Variants in DNMBP observed in about 807,000 individuals in gnomAD.
The protein encoded by DNMBP is dynamin-binding protein.
A neutral mutation model predicts 150.0 loss-of-function variants in DNMBP; 87 were observed. The ratio of observed to expected loss-of-function variants is 0.58; its 90% confidence interval spans 0.49 to 0.69. The LOEUF (loss-of-function observed/expected upper bound fraction) is 0.69. Ranked by LOEUF, DNMBP falls within the 30% of genes least tolerant of loss-of-function variation. The pLI, the probability that DNMBP is intolerant of heterozygous loss-of-function variation, is 0.00. For synonymous variants in DNMBP, 711 were observed against 750.4 expected, an observed-to-expected ratio of 0.95 and a Z score of 0.86; for missense variants, 1,774 against 1,949.0, an observed-to-expected ratio of 0.91 and a Z score of 1.69.
At chr10:99,936,752 T>C (rs1455766800) in intron 4 of DNMBP, among the ~76,000 whole-genome samples, 1 of 152,210 alleles carries the variant, frequency 6.6e-6, no homozygotes, top group African/African-American at 2.4e-5. Context: ...TTGCCCAGGC[T>C]GAAGTGAAGT....
At chr10:99,978,264 C>T (rs534670649) in intron 1 of DNMBP, among the ~76,000 whole-genome samples, 2 of 152,176 alleles carry the variant, frequency 1.3e-5, no homozygotes, top group Admixed American at 6.5e-5. Flanking sequence ...TCTTAAACTT[C>T]ATTGGTTCTT....
chr10:99,961,098 G>C (rs534509231), intron 3 of DNMBP, among the ~76,000 whole-genome samples: 1 of 151,422 alleles, frequency 6.6e-6, no homozygotes, highest in South Asian at 2.1e-4. Context: ...CAAGAGTCTG[G>C]TATGATGCCT....
chr10:99,892,209 G>A (rs1483902933), intron 11 of DNMBP, among the ~76,000 whole-genome samples: 88 of 149,918 alleles, frequency 5.9e-4, no homozygotes, highest in African/African-American at 1.5e-3. Context: ...CGCCCCGTCC[G>A]GGAGGTGAGG....
intron 1 of DNMBP, among the ~76,000 whole-genome samples, chr10:99,998,419 C>T (rs2040974904): frequency 6.6e-6 from 1 of 151,268 alleles, no homozygotes; most frequent in Non-Finnish European, 1.5e-5. Flanking sequence ...CTCTACTAAA[C>T]TACAAAAAAC....
At chr10:99,936,943 G>A (rs1027253575) in intron 4 of DNMBP, among the ~76,000 whole-genome samples, 26 of 152,100 alleles carry the variant, frequency 1.7e-4, no homozygotes, top group African/African-American at 6.3e-4. Context: ...CTGTCACCCA[G>A]GCTGGAGTGC....
chr10:99,958,867 G>A (rs966221068), intron 3 of DNMBP, among the ~76,000 whole-genome samples: 4 of 152,196 alleles, frequency 2.6e-5, no homozygotes, highest in Non-Finnish European at 5.9e-5. Flanking sequence ...GTTCACCGAC[G>A]TAGTTTCAGA....
intron 14 of DNMBP, among the ~76,000 whole-genome samples, chr10:99,884,432 ACACACC>A (rs2039425269): frequency 6.6e-6 from 1 of 152,224 alleles, no homozygotes; most frequent in Non-Finnish European, 1.5e-5. Flanking sequence ...AAAATTTAAC[ACACACC>A]TATTCTTACA....
At chr10:99,900,462 C>T (rs1248861841) in intron 6 of DNMBP, among the ~76,000 whole-genome samples, 15 of 151,774 alleles carry the variant, frequency 9.9e-5, no homozygotes, top group South Asian at 2.1e-4. Context: ...GAGGGGGTTT[C>T]GCCATGTTGC....
chr10:99,878,968 C>T (rs537780949), intron 16 of DNMBP, among the ~76,000 whole-genome samples: 43 of 150,726 alleles, frequency 2.9e-4, no homozygotes, highest in Non-Finnish European at 5.2e-4. Context: ...TAAAGTAGTC[C>T]CAGCTACTCA....
rs2040215625 is a variant in DNMBP at position 99,935,229 on chromosome 10, G to A, written c.2260+19985C>T. On this transcript the variant is annotated intron_variant, in intron 4 of 16. Transcript: ENST00000324109. ...ATGAATTTATTTGGGAGTTGGAGTT[G>A]AAGAATCATCATCATTAGCAAATGA... 2.6e-5 allele frequency among the ~76,000 whole-genome samples: 4 copies of A among 152,064 alleles called. No homozygotes were observed. In the South Asian group the frequency reaches 8.3e-4, roughly 32 times the overall value.
intron 1 of DNMBP, among the ~76,000 whole-genome samples, chr10:99,973,929 C>T (rs1254500940): frequency 6.6e-6 from 1 of 152,010 alleles, no homozygotes; most frequent in Non-Finnish European, 1.5e-5. Flanking sequence ...TGCAGTGAGC[C>T]GAGATCATGC....
At chr10:99,981,863 T>C (rs967794587) in intron 1 of DNMBP, among the ~76,000 whole-genome samples, 1 of 152,232 alleles carries the variant, frequency 6.6e-6, no homozygotes, top group Non-Finnish European at 1.5e-5. Context: ...GTGAGTTGGC[T>C]GCGTTGCTCT....
chr10:99,956,306 C>T lies in DNMBP; in HGVS notation c.1168G>A (p.Val390Met), dbSNP rs201994777. 20 of 1,613,708 alleles carry T rather than the reference C, an allele frequency of 1.2e-5. No individual in the cohort carries two copies. The highest frequency in any genetic ancestry group is 2.2e-5 in the South Asian group (2 of 91,046). ...GTGGCAAGAGGCATTTCCCACTCCA[C>T]GCCTGGGCTTCTCGGGGGCCCTCCT... The part of the protein sequence containing the change: ...TAGGPPRSPG[V>M]EWEMPLATDS... Residue 390 changes from valine to methionine, a missense_variant, in exon 4 of 17, where the codon GTG (valine) becomes ATG (methionine). By Grantham distance (21) the Val-to-Met change is conservative. Transcript: ENST00000324109.
chr10:100,005,872 C>A (rs1268389917), intron 1 of DNMBP, among the ~76,000 whole-genome samples: 1 of 151,654 alleles, frequency 6.6e-6, no homozygotes, highest in Non-Finnish European at 1.5e-5. Context: ...CAAGCTCCTA[C>A]ATAAACAAAA....
At chr10:99,977,721 G>A (rs117617827) in intron 1 of DNMBP, among the ~76,000 whole-genome samples, 1,579 of 152,156 alleles carry the variant, frequency 0.01, 15 homozygotes, top group Non-Finnish European at 0.017. Context: ...ATGAACAAAC[G>A]ATTTGTTGAA....
At chr10:99,921,359 T>A (rs910078757) in intron 4 of DNMBP, among the ~76,000 whole-genome samples, 2 of 152,224 alleles carry the variant, frequency 1.3e-5, no homozygotes, top group Non-Finnish European at 2.9e-5. Context: ...ACCCTTGCTA[T>A]TTAACTTCTG....
chr10:100,007,187 C>T (rs995227687), intron 1 of DNMBP, among the ~76,000 whole-genome samples: 3 of 152,106 alleles, frequency 2.0e-5, no homozygotes, highest in African/African-American at 7.2e-5. Context: ...CCCTACCACA[C>T]ATATACATAC....
intron 4 of DNMBP, among the ~76,000 whole-genome samples, chr10:99,944,753 A>T (rs1013898388): frequency 2.0e-5 from 3 of 152,238 alleles, no homozygotes; most frequent in East Asian, 3.8e-4. Context: ...AATACTGTCT[A>T]GTATTCTACC....
Position 99,956,569 on chromosome 10 carries a change from T to C in DNMBP, c.905A>G (p.Asp302Gly). 1 of 1,614,142 alleles carries C rather than the reference T, an allele frequency of 6.2e-7. No individual in the cohort carries two copies. The highest frequency in any genetic ancestry group is 8.5e-7 in the Non-Finnish European group (1 of 1,180,014). Residue 302 changes from aspartate to glycine, a missense_variant, in exon 4 of 17, where the codon GAC becomes GGC. This residue lies in a region of DNMBP where 344 missense variants were observed against 456.6 expected (regional missense o/e 0.75). Transcript: ENST00000324109. ...FPYRFVKLCP[D>G]TRVEETMALP... ...AGCCATGGTTTCCTCCACCCGTGTG[T>C]CAGGACATAATTTCACAAACCGGTA...
Sources: gnomAD v4.1 joint callset for allele counts (sites outside exome capture counted in the v4.1 genomes callset) on GRCh38, gnomAD v4.1.1 for gene constraint, gnomAD v4.1.1 regional missense constraint, MANE v1.5 for transcripts, NCBI Gene and HGNC (gene_info 2026-07-23, HGNC 2026-07-21) for gene names.